The following ERMARD variants were observed in gnomAD, a reference collection of about 807,000 sequenced individuals.
ERMARD encodes the protein endoplasmic reticulum membrane-associated RNA degradation protein.
Under a neutral mutation model 83.9 loss-of-function variants are expected in ERMARD, and 71 were observed. That is an observed-to-expected ratio of 0.85 (90% CI 0.70 to 1.03). ERMARD has a LOEUF of 1.03. Ranked by LOEUF, ERMARD falls within the 50% of genes least tolerant of loss-of-function variation. The pLI, the probability that ERMARD is intolerant of heterozygous loss-of-function variation, is 0.00. For synonymous variants in ERMARD, 284 were observed against 298.6 expected, an observed-to-expected ratio of 0.95 and a Z score of 0.50; for missense variants, 838 against 810.9, an observed-to-expected ratio of 1.03 and a Z score of -0.41.
chr6:169,768,020 GTACTA>G lies in ERMARD; in HGVS notation c.991-80_991-76del, dbSNP rs1307014578. ...CCTTAGATAACAAGTTAGGCTAAAAGTACTATATCCATCAACTCTGAAAGTTCTGT... is the reference window on the plus strand; with the variant it reads ...CCTTAGATAACAAGTTAGGCTAAAAGTATCCATCAACTCTGAAAGTTCTGT... On this transcript the variant is annotated intron_variant, in intron 10 of 17. Coordinates refer to ENST00000366773, the MANE Select transcript of ERMARD (RefSeq NM_018341.3). The G allele has an allele frequency of 6.2e-6, 7 of 1,128,358 alleles. No individual in the cohort carries two copies. The African/African-American group carries it at 1.1e-4, about 17-fold the overall frequency. The allele number at this position is 1,128,358 out of a possible 1,614,324, so 69.9% of individuals were successfully genotyped here. A position where few individuals can be genotyped will look rare whatever the true frequency, so the allele number is the denominator to read the frequency against.
At chr6:169,772,417 T>A (rs1030273435) in intron 12 of ERMARD, among the ~76,000 whole-genome samples, 2 of 152,164 alleles carry the variant, frequency 1.3e-5, no homozygotes, top group African/African-American at 4.8e-5. Flanking sequence ...GCCAGCACAT[T>A]TCTTCTGTAG....
At chr6:169,752,582 A>G (rs1006722346) in intron 1 of ERMARD, among the ~76,000 whole-genome samples, 3 of 152,174 alleles carry the variant, frequency 2.0e-5, no homozygotes, top group African/African-American at 7.2e-5. Flanking sequence ...CTGAGAGTGG[A>G]AAGTGCAACT....
At chr6:169,773,755 C>T (rs977521950) in intron 13 of ERMARD, among the ~76,000 whole-genome samples, 2 of 152,160 alleles carry the variant, frequency 1.3e-5, no homozygotes. Context: ...TGGTGAGTAA[C>T]GTCAGTTTTT....
intron 12 of ERMARD, chr6:169,772,052 T>C (rs2128360069): frequency 6.6e-6 from 1 of 152,386 alleles, no homozygotes; most frequent in South Asian, 2.1e-4. Flanking sequence ...ATGTTCCACA[T>C]CTGCTACTCC....
Position 169,781,511 on chromosome 6 carries a change from T to C in ERMARD, c.2035T>C (p.Ter679ArgextTer14), listed in dbSNP as rs751296559. The C allele has an allele frequency of 3.8e-5, 60 of 1,584,958 alleles. No individual in the cohort carries two copies. Among genetic ancestry groups the C allele is most frequent in the African/African-American group, 1.6e-4 (12 of 73,628 alleles). The change falls in exon 18 of 18, where the codon TGA becomes CGA. Residue 679 changes from the stop codon to arginine, a stop_lost. Transcript: ENST00000366773. ...GAAATCCACAAGTAAAGTACTCTTA[T>C]GAAAACTTGTAAGTCAGGATGCTTT... ...AKKSTSKVLL[*>R]
intron 17 of ERMARD, 106 bp downstream of exon 17, chr6:169,779,401 G>A: frequency 1.0e-6 from 1 of 954,572 alleles, no homozygotes; most frequent in Non-Finnish European, 1.7e-6. Flanking sequence ...TATCCCCTTG[G>A]TGGCCCCACC....
At chr6:169,751,338 C>G (rs1025898152), upstream of ERMARD, 3 of 1,613,558 alleles carry the variant, frequency 1.9e-6, no homozygotes, top group African/African-American at 2.7e-5. Flanking sequence ...TCCGCACTCA[C>G]TGCCTCCTTC....
At position 169,779,274 on chromosome 6, in the gene ERMARD, A is replaced by G. The variant is rs1336415444; in HGVS notation, c.1832A>G (p.His611Arg). Residue 611 changes from histidine to arginine, a missense_variant, in exon 17 of 18, where the codon CAT (histidine) becomes CGT (arginine). Coordinates refer to ENST00000366773, the MANE Select transcript of ERMARD (RefSeq NM_018341.3). ...CATGCTGTTTGTGGGAAGAATGCGC[A>G]TGAGTATCAGCAGTACCTAAAGTAA... is the stretch of plus-strand genomic sequence containing the variant. ...NIHAVCGKNA[H>R]EYQQYLKFVK... The G allele has an allele frequency of 8.1e-6, 13 of 1,614,090 alleles. No homozygotes were observed. The East Asian group carries it at 2.2e-4, about 28-fold the overall frequency.
intron 2 of ERMARD, 118 bp downstream of exon 2, chr6:169,754,150 C>T (rs1790503333): frequency 2.2e-6 from 2 of 919,810 alleles, no homozygotes; most frequent in Admixed American, 2.7e-5. Flanking sequence ...ATAATACAGG[C>T]CTAACTCCAA....
chr6:169,776,289 G>T, intron 15 of ERMARD, 166 bp from the exon 16 acceptor site: 1 of 1,551,362 alleles, frequency 6.4e-7, no homozygotes, highest in Non-Finnish European at 8.7e-7. Context: ...CCACAATTCA[G>T]TGTGTTTAGT....
intron 13 of ERMARD, 66 bp downstream of exon 13, chr6:169,773,468 A>G (rs1190836301): frequency 1.3e-6 from 2 of 1,509,850 alleles, no homozygotes. Context: ...TTCTGCAGAG[A>G]TGCTGGAAGG....
intron 9 of ERMARD, among the ~76,000 whole-genome samples, chr6:169,763,446 C>G (rs1180562602): frequency 6.6e-6 from 1 of 152,222 alleles, no homozygotes; most frequent in Admixed American, 6.5e-5. Context: ...ATGCCCCTCT[C>G]TAAGGACACT....
intron 2 of ERMARD, 76 bp downstream of exon 2, chr6:169,754,108 C>T (rs1218587507): frequency 2.1e-6 from 3 of 1,404,896 alleles, no homozygotes; most frequent in Non-Finnish European, 2.9e-6. Flanking sequence ...ATTCCCCTTT[C>T]TGACCATTGG....
rs144182193 is a variant in ERMARD at position 169,779,183 on chromosome 6, A to G, written c.1741A>G (p.Ile581Val). The G allele has an allele frequency of 2.0e-5, 33 of 1,613,020 alleles. No homozygotes were observed. Among genetic ancestry groups the G allele is most frequent in the Non-Finnish European group, 2.6e-5 (31 of 1,179,068 alleles). ...TAATTTACTTTTATCTGTTTTTAGTATCAGACTACTGTCCCCTGTGCTCAG... is the reference window on the plus strand; with the variant it reads ...TAATTTACTTTTATCTGTTTTTAGTGTCAGACTACTGTCCCCTGTGCTCAG... ...RQNYLRMWSS[I>V]RLLSPVLSLI... The change falls in exon 17 of 18, where the codon ATC (isoleucine) becomes GTC (valine). Residue 581 changes from isoleucine to valine, a missense_variant and splice_region_variant. Physicochemically the swap from Ile to Val is conservative, Grantham distance 29. Coordinates refer to ENST00000366773, the MANE Select transcript of ERMARD (RefSeq NM_018341.3).
At chr6:169,764,161 C>T (rs1237555429) in intron 9 of ERMARD, among the ~76,000 whole-genome samples, 1 of 152,168 alleles carries the variant, frequency 6.6e-6, no homozygotes, top group Non-Finnish European at 1.5e-5. Flanking sequence ...TGAGAAGCCC[C>T]CCGCCTGGCT....
At position 169,760,642 on chromosome 6, in the gene ERMARD, A is replaced by T. The variant is rs142502098; in HGVS notation, c.743A>T (p.Asp248Val). ...TTTAAAACCGTGTGTTATTTTACAG[A>T]TGTTACTTATGAGGTGCTTTCAGTA... ...TNLEDLIVFP[D>V]VTYEVLSVLE... Residue 248 changes from aspartate (D) to valine (V), a missense_variant and splice_region_variant, in exon 8 of 18, where the codon GAT becomes GTT. Coordinates refer to ENST00000366773, the MANE Select transcript of ERMARD (RefSeq NM_018341.3). The T allele has an allele frequency of 2.5e-6, 4 of 1,575,986 alleles. No homozygotes were observed. In the African/African-American group the frequency reaches 4.1e-5, roughly 16 times the overall value.
rs749888231 is a variant in ERMARD at position 169,779,159 on chromosome 6, A to G, written c.1740-23A>G. Reference sequence around the variant, plus strand: ...AAATACCAACATATCCTCACATTTTAATTTACTTTTATCTGTTTTTAGTAT... The same window carrying G: ...AAATACCAACATATCCTCACATTTTGATTTACTTTTATCTGTTTTTAGTAT... On this transcript the variant is annotated intron_variant, in intron 16 of 17. Coordinates refer to ENST00000366773, the MANE Select transcript of ERMARD (RefSeq NM_018341.3). 16 of 1,587,266 alleles carry G rather than the reference A, an allele frequency of 1.0e-5. No individual in the cohort carries two copies. The South Asian group carries it at 1.7e-4, about 16-fold the overall frequency.
intron 2 of ERMARD, among the ~76,000 whole-genome samples, chr6:169,754,775 C>A (rs1277943545): frequency 6.6e-6 from 1 of 151,964 alleles, no homozygotes; most frequent in African/African-American, 2.4e-5. Flanking sequence ...GATCAGGAAC[C>A]AAGTAGATGG....
rs750599890 is a variant in ERMARD at position 169,755,275 on chromosome 6, C to A, written c.176-8C>A. ...ATGGTGCTGAAATTTGTTTTCTTAT[C>A]CTTTAAGAGCAGGGTCTGGATTACT... On this transcript the variant is annotated splice_region_variant and splice_polypyrimidine_tract_variant and intron_variant, in intron 2 of 17. Transcript: ENST00000366773. The A allele has an allele frequency of 6.2e-7, 1 of 1,612,144 alleles. No homozygotes were observed. Among genetic ancestry groups the A allele is most frequent in the Non-Finnish European group, 8.5e-7 (1 of 1,179,314 alleles).
Sources: gnomAD v4.1 joint callset for allele counts (sites outside exome capture counted in the v4.1 genomes callset) on GRCh38, gnomAD v4.1.1 for gene constraint, MANE v1.5 for transcripts, NCBI Gene and HGNC (gene_info 2026-07-23, HGNC 2026-07-21) for gene names.